Variants in CACNA1C observed in about 807,000 individuals in gnomAD.
CACNA1C encodes calcium voltage-gated channel subunit alpha1 C.
In CACNA1C, 30 loss-of-function variants were observed where a neutral mutation model predicts 229.0. That is an observed-to-expected ratio of 0.13 (90% CI 0.10 to 0.18). The LOEUF (loss-of-function observed/expected upper bound fraction) is 0.18, where lower values mean the gene tolerates loss of function less well. Ranked by LOEUF, CACNA1C falls within the 10% of genes least tolerant of loss-of-function variation. The pLI is 1.00. For synonymous variants in CACNA1C, 1,114 were observed against 1,132.5 expected (o/e 0.98, Z 0.33); for missense variants, 1,658 against 2,845.0 (o/e 0.58, Z 9.49).
chr12:2,163,693 C>T (rs2096044202), intron 3 of CACNA1C, among the ~76,000 whole-genome samples: 2 of 152,176 alleles, frequency 1.3e-5, no homozygotes, highest in Non-Finnish European at 2.9e-5. Context: ...GTCAGGCCCT[C>T]CTCCCCCGCT....
intron 22 of CACNA1C, among the ~76,000 whole-genome samples, chr12:2,604,301 A>G (rs2074234919): frequency 6.6e-6 from 1 of 151,950 alleles, no homozygotes; most frequent in South Asian, 2.1e-4. Flanking sequence ...TCAGAGAAAA[A>G]CTTTTGCTTC....
intron 3 of CACNA1C, among the ~76,000 whole-genome samples, chr12:2,386,168 T>A (rs945167137): frequency 1.3e-5 from 2 of 152,190 alleles, no homozygotes; most frequent in Non-Finnish European, 2.9e-5. Flanking sequence ...ATTGGTAGCT[T>A]GAAATTGACC....
intron 3 of CACNA1C, among the ~76,000 whole-genome samples, chr12:2,436,151 G>A (rs1484079489): frequency 1.3e-5 from 2 of 152,342 alleles, no homozygotes; most frequent in South Asian, 2.1e-4. Context: ...AAGCAGAGAA[G>A]CTGGGTCCTG....
At chr12:2,482,259 T>G (rs1349739243) in intron 5 of CACNA1C, among the ~76,000 whole-genome samples, 2 of 152,148 alleles carry the variant, frequency 1.3e-5, no homozygotes, top group Non-Finnish European at 2.9e-5. Flanking sequence ...TCCACTAGAC[T>G]CCCCCGCCTT....
intron 3 of CACNA1C, among the ~76,000 whole-genome samples, chr12:2,148,984 T>C (rs1370837142): frequency 6.6e-6 from 1 of 151,846 alleles, no homozygotes; most frequent in Non-Finnish European, 1.5e-5. Flanking sequence ...CAGTGGAGAG[T>C]CCACAGAGAA....
Position 2,646,268 on chromosome 12 carries a change from G to GGTTTT in CACNA1C, c.3913-2191_3913-2187dup, listed in dbSNP as rs148421272. On this transcript the variant is annotated intron_variant, in intron 30 of 46. Coordinates refer to ENST00000399655, the MANE Select transcript of CACNA1C (RefSeq NM_000719.7). The surrounding 1 kb of genome is among the most constrained non-coding windows in gnomAD (Gnocchi z 4.6). Reference sequence around the variant, plus strand: ...TTAAGAAGTAAAACAGGTTTTTTTTGGTTTTGTTTTGTTTTGTTTTTGTTT... The same window carrying GGTTTT: ...TTAAGAAGTAAAACAGGTTTTTTTTGGTTTTGTTTTGTTTTGTTTTGTTTTTGTTT... 6.6e-6 allele frequency: 1 copy of GGTTTT among 151,936 alleles called. No individual in the cohort carries two copies. Among genetic ancestry groups the GGTTTT allele is most frequent in the Non-Finnish European group, 1.5e-5 (1 of 67,956 alleles). The allele number at this position is 151,936 out of a possible 1,614,324, so 9.4% of individuals were successfully genotyped here. A position where few individuals can be genotyped will look rare whatever the true frequency, so the allele number is the denominator to read the frequency against.
intron 1 of CACNA1C, among the ~76,000 whole-genome samples, chr12:2,080,718 G>C (rs2065264216): frequency 6.6e-6 from 1 of 152,084 alleles, no homozygotes; most frequent in African/African-American, 2.4e-5. Flanking sequence ...TTTTAGAAAT[G>C]AAAAACACAT....
Position 2,403,782 on chromosome 12 carries a change from G to A in CACNA1C, c.478-45194G>A, listed in dbSNP as rs1423141466. ...CCACATCACTCAGGGGCTGCGTGGA[G>A]CACTCGGTGCCTTTCCCACCACAAG... is the stretch of plus-strand genomic sequence containing the variant. On this transcript the variant is annotated intron_variant, in intron 3 of 46. Coordinates refer to ENST00000399655, the MANE Select transcript of CACNA1C (RefSeq NM_000719.7). The surrounding 1 kb of genome is among the most constrained non-coding windows in gnomAD (Gnocchi z 4.1). 6.6e-6 allele frequency among the ~76,000 whole-genome samples: 1 copy of A among 152,174 alleles called. No individual in the cohort carries two copies. The highest frequency in any genetic ancestry group is 1.5e-5 in the Non-Finnish European group (1 of 68,034).
chr12:2,283,853 C>T (rs1041983274), intron 3 of CACNA1C, among the ~76,000 whole-genome samples: 6 of 152,212 alleles, frequency 3.9e-5, no homozygotes, highest in African/African-American at 1.4e-4. Flanking sequence ...ACTTGTGCTT[C>T]ATTCATGCAG....
intron 4 of CACNA1C, among the ~76,000 whole-genome samples, chr12:2,449,921 G>A (rs2099345067): frequency 6.6e-6 from 1 of 152,152 alleles, no homozygotes; most frequent in African/African-American, 2.4e-5. Flanking sequence ...TTGTACAGAG[G>A]CCTCTTCCCC....
intron 1 of CACNA1C, among the ~76,000 whole-genome samples, chr12:2,043,763 C>T (rs2050587455): frequency 7.4e-6 from 1 of 135,786 alleles, no homozygotes; most frequent in Non-Finnish European, 1.5e-5. Flanking sequence ...TCACGCCATT[C>T]TCCTGCCTCA....
Position 2,354,153 on chromosome 12 carries a change from T to C in CACNA1C, c.478-94823T>C, listed in dbSNP as rs1270280076. 6.6e-6 allele frequency among the ~76,000 whole-genome samples: 1 copy of C among 152,166 alleles called. No individual in the cohort carries two copies. Among genetic ancestry groups the C allele is most frequent in the East Asian group, 1.9e-4 (1 of 5,186 alleles). On this transcript the variant is annotated intron_variant, in intron 3 of 46. Coordinates refer to ENST00000399655, the MANE Select transcript of CACNA1C (RefSeq NM_000719.7). The surrounding 1 kb of genome is among the most constrained non-coding windows in gnomAD (Gnocchi z 4.6). ...CTGTCGGGAAGGACTGGATGGAGTC[T>C]GTTTTTCCAGAACCCCTTAACCCAG...
At position 2,595,921 on chromosome 12, in the gene CACNA1C, A is replaced by G; in HGVS notation, c.2711A>G (p.Asn904Ser). 6.2e-7 allele frequency: 1 copy of G among 1,613,642 alleles called. No individual in the cohort carries two copies. Among genetic ancestry groups the G allele is most frequent in the Non-Finnish European group, 8.5e-7 (1 of 1,179,762 alleles). Residue 904 changes from asparagine to serine, a missense_variant, in exon 20 of 47, where the codon AAC becomes AGC. Around this residue, in one of 20 missense-constraint regions of CACNA1C, gnomAD observed 52 missense variants for 99.0 expected, o/e 0.53. Coordinates refer to ENST00000399655, the MANE Select transcript of CACNA1C (RefSeq NM_000719.7). This position sits in a 1 kb window ranked among gnomAD's most constrained non-coding sequence, Gnocchi z 4.1. ...ATTGTCAATGACACGATCTTCACCA[A>G]CCTGATCCTCTTCTTCATTCTGCTC... ...HRIVNDTIFT[N>S]LILFFILLSS... is the part of the protein sequence containing the mutation.
Position 2,680,930 on chromosome 12 carries a change from G to A in CACNA1C, c.5444+1134G>A, listed in dbSNP as rs534103887. On this transcript the variant is annotated intron_variant, in intron 42 of 46. Coordinates refer to ENST00000399655, the MANE Select transcript of CACNA1C (RefSeq NM_000719.7). Reference sequence around the variant, plus strand: ...TGCTGGGCACTGGATTTTATGTGCCGGCCTGAAGGGCTGGCTTTGCATAGG... The same window carrying A: ...TGCTGGGCACTGGATTTTATGTGCCAGCCTGAAGGGCTGGCTTTGCATAGG... 1.8e-4 allele frequency among the ~76,000 whole-genome samples: 28 copies of A among 152,302 alleles called. No individual in the cohort carries two copies. In the South Asian group the frequency reaches 2.3e-3, roughly 12 times the overall value.
intron 1 of CACNA1C, among the ~76,000 whole-genome samples, chr12:2,021,052 A>T (rs530550646): frequency 1.1e-3 from 173 of 152,324 alleles, no homozygotes; most frequent in Non-Finnish European, 1.9e-3. Flanking sequence ...CCCTAATGGT[A>T]AAATTATTTC....
At chr12:2,160,785 G>A (rs1233818771) in intron 3 of CACNA1C, among the ~76,000 whole-genome samples, 1 of 152,186 alleles carries the variant, frequency 6.6e-6, no homozygotes, top group Non-Finnish European at 1.5e-5. Flanking sequence ...CAGTGAAAGA[G>A]TATCGATTTG....
At chr12:2,437,726 G>A in intron 3 of CACNA1C, among the ~76,000 whole-genome samples, 1 of 151,958 alleles carries the variant, frequency 6.6e-6, no homozygotes, top group East Asian at 1.9e-4. Context: ...GGTAGAGGTA[G>A]TTTGGATGGT....
chr12:2,051,471 C>T (rs1768144758), upstream of CACNA1C, among the ~76,000 whole-genome samples: 1 of 152,178 alleles, frequency 6.6e-6, no homozygotes. Flanking sequence ...AAATGGGTTA[C>T]TCCGACTGCT....
At chr12:2,185,954 T>C (rs1220753278) in intron 3 of CACNA1C, among the ~76,000 whole-genome samples, 4 of 151,564 alleles carry the variant, frequency 2.6e-5, no homozygotes, top group Non-Finnish European at 4.4e-5. Flanking sequence ...CAATGCACAC[T>C]TGTAGCCTGA....
Sources: allele counts gnomAD v4.1 joint callset (sites outside exome capture counted in the v4.1 genomes callset), GRCh38; gene constraint gnomAD v4.1.1; regional missense constraint gnomAD v4.1.1; non-coding constraint Gnocchi (gnomAD v3.1); transcripts MANE v1.5; gene names NCBI Gene and HGNC (gene_info 2026-07-23, HGNC 2026-07-21).